Variants in ACBD6 observed in about 807,000 individuals in gnomAD.
ACBD6 encodes the protein acyl-CoA binding domain containing 6.
ACBD6 carries 28 observed loss-of-function variants against 37.2 expected under a neutral mutation model. The observed-to-expected ratio is 0.75, with a 90% CI of 0.56 to 1.03. The LOEUF is 1.03. Among genes scored for constraint, ACBD6 ranks in the 50% least tolerant of loss-of-function variants. The probability of loss-of-function intolerance (pLI) is 0.00; values close to 1 mark genes in which losing one functional copy is unlikely to be tolerated. For missense variants in ACBD6, 340 were observed against 337.4 expected (o/e 1.01, Z -0.06); for synonymous variants, 113 against 126.8 (o/e 0.89, Z 0.73).
chr1:180,319,207 C>T (rs1260209992), intron 6 of ACBD6, among the ~76,000 whole-genome samples: 1 of 152,220 alleles, frequency 6.6e-6, no homozygotes, highest in Non-Finnish European at 1.5e-5. Flanking sequence ...TCCACTGAGA[C>T]TATAAACTTC....
intron 6 of ACBD6, among the ~76,000 whole-genome samples, chr1:180,351,498 G>A (rs988337831): frequency 6.6e-6 from 1 of 150,714 alleles, no homozygotes; most frequent in Admixed American, 6.6e-5. Flanking sequence ...TGATGGTCTC[G>A]ATCTGACCTT....
intron 5 of ACBD6, among the ~76,000 whole-genome samples, chr1:180,412,603 T>C (rs1234619833): frequency 2.0e-5 from 3 of 152,156 alleles, no homozygotes; most frequent in East Asian, 1.9e-4. Context: ...CAGTGGCTCA[T>C]GCCTATAATC....
At chr1:180,357,358 G>A (rs1405088511) in intron 6 of ACBD6, among the ~76,000 whole-genome samples, 1 of 152,154 alleles carries the variant, frequency 6.6e-6, no homozygotes, top group African/African-American at 2.4e-5. Flanking sequence ...CGATACAAAT[G>A]GAATAAGTAA....
intron 6 of ACBD6, among the ~76,000 whole-genome samples, chr1:180,384,583 C>T (rs926198061): frequency 1.3e-5 from 2 of 150,508 alleles, no homozygotes; most frequent in African/African-American, 4.9e-5. Flanking sequence ...TATGGGGCAA[C>T]AGTATGAAGA....
chr1:180,390,142 C>T (rs1654013700), intron 6 of ACBD6, among the ~76,000 whole-genome samples: 1 of 152,206 alleles, frequency 6.6e-6, no homozygotes, highest in African/African-American at 2.4e-5. Flanking sequence ...TTAGGTCTAA[C>T]GTTTAAGTCT....
At chr1:180,483,499 C>T (rs889040863) in intron 3 of ACBD6, among the ~76,000 whole-genome samples, 5 of 152,110 alleles carry the variant, frequency 3.3e-5, no homozygotes, top group African/African-American at 1.2e-4. Flanking sequence ...CTGCTGTGTT[C>T]AGTGCTAAAT....
chr1:180,429,638 C>G (rs1037266336), intron 4 of ACBD6, among the ~76,000 whole-genome samples: 2 of 152,126 alleles, frequency 1.3e-5, no homozygotes, highest in Admixed American at 6.5e-5. Flanking sequence ...TATGGTAATT[C>G]TATTTTAACT....
chr1:180,318,869 T>C (rs1284863446), intron 6 of ACBD6, among the ~76,000 whole-genome samples: 1 of 152,242 alleles, frequency 6.6e-6, no homozygotes, highest in Non-Finnish European at 1.5e-5. Context: ...AAAGCTTTGT[T>C]TATTTAAAAA....
intron 6 of ACBD6, among the ~76,000 whole-genome samples, chr1:180,363,301 A>C (rs944419541): frequency 6.6e-6 from 1 of 152,214 alleles, no homozygotes; most frequent in Non-Finnish European, 1.5e-5. Context: ...TATGTACAAA[A>C]TAAATTTTGA....
chr1:180,491,599 T>C (rs1571578515), intron 3 of ACBD6, among the ~76,000 whole-genome samples: 1 of 152,360 alleles, frequency 6.6e-6, no homozygotes. Context: ...GTCTTATTCA[T>C]CTTTTATCCC....
intron 6 of ACBD6, among the ~76,000 whole-genome samples, chr1:180,391,608 C>T (rs902507027): frequency 2.0e-5 from 3 of 152,110 alleles, no homozygotes; most frequent in African/African-American, 7.2e-5. Context: ...TGAGATGCTA[C>T]TTCCCATACC....
intron 7 of ACBD6, among the ~76,000 whole-genome samples, chr1:180,290,504 G>A (rs1194885356): frequency 1.3e-5 from 2 of 152,164 alleles, no homozygotes; most frequent in African/African-American, 4.8e-5. Context: ...AGCACATACT[G>A]TACCAGTCCA....
intron 4 of ACBD6, among the ~76,000 whole-genome samples, chr1:180,416,080 C>T (rs1007472990): frequency 2.6e-5 from 4 of 152,002 alleles, no homozygotes; most frequent in Non-Finnish European, 4.4e-5. Flanking sequence ...GGCTGAATGA[C>T]GAATATAAAA....
chr1:180,500,206 T>C (rs924066436), intron 1 of ACBD6, among the ~76,000 whole-genome samples: 8 of 147,492 alleles, frequency 5.4e-5, no homozygotes, highest in African/African-American at 2.0e-4. Context: ...CAGGGGAAAA[T>C]ACGTAACTAT....
rs113182055 is a variant in ACBD6, at chr1:180,482,236, A to G, written c.384+10033T>C. Among the ~76,000 whole-genome samples, 861 of 152,280 alleles carry G rather than the reference A, an allele frequency of 5.7e-3. 6 individuals are homozygous for G. The highest frequency in any genetic ancestry group is 0.019 in the African/African-American group (798 of 41,550). Reference sequence around the variant, plus strand: ...TTTCAATAATTTTTATAGGTAAAAGATAACTAGCTGATGTTACAAAAACCA... The same window carrying G: ...TTTCAATAATTTTTATAGGTAAAAGGTAACTAGCTGATGTTACAAAAACCA... On this transcript the variant is annotated intron_variant, in intron 3 of 7. Transcript: ENST00000367595.
At chr1:180,306,951 T>G (rs967006350) in intron 7 of ACBD6, among the ~76,000 whole-genome samples, 1 of 152,156 alleles carries the variant, frequency 6.6e-6, no homozygotes, top group African/African-American at 2.4e-5. Flanking sequence ...GTTTGGAGGT[T>G]CCTCAAAGAA....
intron 3 of ACBD6, among the ~76,000 whole-genome samples, chr1:180,441,309 CAT>C (rs1649271805): frequency 6.6e-6 from 1 of 152,138 alleles, no homozygotes; most frequent in Non-Finnish European, 1.5e-5. Flanking sequence ...AATTCTTTTC[CAT>C]ATGTCTATCC....
intron 6 of ACBD6, among the ~76,000 whole-genome samples, chr1:180,371,204 A>G (rs1351259004): frequency 1.3e-5 from 2 of 150,186 alleles, no homozygotes; most frequent in African/African-American, 5.0e-5. Context: ...GAGATCAAAT[A>G]TATATATATA....
At chr1:180,443,545 C>T (rs909544474) in intron 3 of ACBD6, among the ~76,000 whole-genome samples, 4 of 152,166 alleles carry the variant, frequency 2.6e-5, no homozygotes, top group African/African-American at 7.2e-5. Context: ...TGGGATCCCC[C>T]TCCTTGCAGC....
Sources: allele counts gnomAD v4.1 joint callset (sites outside exome capture counted in the v4.1 genomes callset), GRCh38; gene constraint gnomAD v4.1.1; transcripts MANE v1.5; gene names NCBI Gene and HGNC (gene_info 2026-07-23, HGNC 2026-07-21).